Variants in PTPRG observed in about 807,000 individuals in gnomAD.
PTPRG encodes receptor-type tyrosine-protein phosphatase gamma.
A neutral mutation model predicts 165.3 loss-of-function variants in PTPRG; 102 were observed. The ratio of observed to expected loss-of-function variants is 0.62; its 90% CI spans 0.53 to 0.73. The LOEUF (loss-of-function observed/expected upper bound fraction) is 0.73, where lower values mean the gene tolerates loss of function less well. Ranked by LOEUF, PTPRG falls within the 30% of genes least tolerant of loss-of-function variation. PTPRG has a pLI of 0.00. For missense variants in PTPRG, 1,866 were observed against 1,861.4 expected (o/e 1.00, Z -0.05); for synonymous variants, 675 against 669.5 (o/e 1.01, Z -0.13).
chr3:62,046,493 AT>A (rs1423722646), intron 4 of PTPRG, among the ~76,000 whole-genome samples: 5 of 152,090 alleles, frequency 3.3e-5, no homozygotes, highest in Admixed American at 3.3e-4. Flanking sequence ...TGATCATAGA[AT>A]TTTTTCCCAA....
chr3:62,104,836 G>A (rs1315727116), intron 5 of PTPRG, among the ~76,000 whole-genome samples: 1 of 152,158 alleles, frequency 6.6e-6, no homozygotes, highest in East Asian at 1.9e-4. Flanking sequence ...GAGCTTTGCA[G>A]ATTTTTTTAA....
chr3:61,588,817 C>A (rs1700500043), intron 1 of PTPRG, among the ~76,000 whole-genome samples: 1 of 152,182 alleles, frequency 6.6e-6, no homozygotes, highest in African/African-American at 2.4e-5. Flanking sequence ...CTCATATATG[C>A]ATCCGTGTAT....
intron 6 of PTPRG, among the ~76,000 whole-genome samples, chr3:62,136,729 C>T (rs1703722394): frequency 6.6e-6 from 1 of 152,098 alleles, no homozygotes; most frequent in Non-Finnish European, 1.5e-5. Flanking sequence ...GGGGAGTTTC[C>T]CTGCACAAGC....
At chr3:61,749,098 G>A (rs551398743) in intron 2 of PTPRG, 116 bp downstream of exon 2, 58 of 873,252 alleles carry the variant, frequency 6.6e-5, no homozygotes, top group South Asian at 5.5e-4. Context: ...CAAATCTTTC[G>A]TAGTTCACTA....
intron 4 of PTPRG, among the ~76,000 whole-genome samples, chr3:62,036,983 GCACACACA>G (rs10587372): frequency 4.5e-4 from 68 of 150,560 alleles, no homozygotes; most frequent in Middle Eastern, 3.4e-3. Flanking sequence ...GCGCGCGCAC[GCACACACA>G]CACACACACA....
intron 14 of PTPRG, among the ~76,000 whole-genome samples, chr3:62,239,822 C>T (rs2106942917): frequency 6.6e-6 from 1 of 152,100 alleles, no homozygotes; most frequent in Non-Finnish European, 1.5e-5. Flanking sequence ...TTCCTGGATA[C>T]CTCTGAAGGT....
At chr3:61,928,252 G>C (rs1288687653) in intron 2 of PTPRG, among the ~76,000 whole-genome samples, 1 of 152,168 alleles carries the variant, frequency 6.6e-6, no homozygotes, top group Non-Finnish European at 1.5e-5. Flanking sequence ...ACATGCCCAA[G>C]AAACCTTGTA....
At chr3:61,849,411 A>C (rs2036896196) in intron 2 of PTPRG, among the ~76,000 whole-genome samples, 2 of 152,228 alleles carry the variant, frequency 1.3e-5, no homozygotes, top group African/African-American at 2.4e-5. Flanking sequence ...CGGTGAAAAG[A>C]TATGTGTAGG....
intron 2 of PTPRG, among the ~76,000 whole-genome samples, chr3:61,972,628 C>T (rs2040409316): frequency 6.6e-6 from 1 of 151,222 alleles, no homozygotes. Context: ...CTCCCCTCCC[C>T]TCTTCGTTCT....
intron 2 of PTPRG, among the ~76,000 whole-genome samples, chr3:61,868,246 G>A (rs1359802557): frequency 2.0e-5 from 3 of 152,096 alleles, no homozygotes; most frequent in East Asian, 3.9e-4. Flanking sequence ...CTTATATCAC[G>A]GAAGAAAAGC....
intron 2 of PTPRG, among the ~76,000 whole-genome samples, chr3:61,919,656 A>G (rs779407485): frequency 2.0e-5 from 3 of 152,162 alleles, no homozygotes; most frequent in Non-Finnish European, 2.9e-5. Flanking sequence ...TCATGGTTGC[A>G]TCTCGTCATG....
rs568824247 is a variant in PTPRG at position 62,243,915 on chromosome 3, T to C, written c.2467+17T>C. On this transcript the variant is annotated intron_variant, in intron 15 of 29. Coordinates refer to ENST00000474889, the MANE Select transcript of PTPRG (RefSeq NM_002841.4). ...CTATTCCGGGTAAGTAAGACACTGC[T>C]CTTATTTCCAATGGGCTAATTGTTT... is the stretch of plus-strand genomic sequence containing the variant. 5.6e-5 allele frequency: 77 copies of C among 1,380,722 alleles called. 1 individual carries two copies. The highest frequency in any genetic ancestry group is 3.6e-4 in the South Asian group (29 of 81,446). 85.5% of individuals were successfully genotyped at this position (1,380,722 alleles called of 1,614,324 possible). A position where few individuals can be genotyped will look rare whatever the true frequency, so the allele number is the denominator to read the frequency against.
chr3:62,062,731 G>C (rs1700861663), intron 4 of PTPRG, among the ~76,000 whole-genome samples: 1 of 151,976 alleles, frequency 6.6e-6, no homozygotes, highest in African/African-American at 2.4e-5. Context: ...GGCAATCATG[G>C]CTCACTGCAG....
chr3:61,655,394 T>C (rs1445787638), intron 1 of PTPRG, among the ~76,000 whole-genome samples: 1 of 152,212 alleles, frequency 6.6e-6, no homozygotes, highest in African/African-American at 2.4e-5. Context: ...GGGATTGTTA[T>C]CAGTTTCACT....
chr3:62,057,171 G>A (rs570523431), intron 4 of PTPRG, among the ~76,000 whole-genome samples: 3 of 152,234 alleles, frequency 2.0e-5, no homozygotes, highest in South Asian at 2.1e-4. Flanking sequence ...GTTTTAATGG[G>A]CCTTACCTGA....
At chr3:61,666,775 A>G (rs1434738420) in intron 1 of PTPRG, among the ~76,000 whole-genome samples, 2 of 152,218 alleles carry the variant, frequency 1.3e-5, no homozygotes, top group African/African-American at 4.8e-5. Context: ...CCTAGATGCC[A>G]GTAGCACACT....
rs374382586 is a variant in PTPRG at position 62,100,548 on chromosome 3, CAT to C, written c.615+22293_615+22294del. On this transcript the variant is annotated intron_variant, in intron 5 of 29. Transcript: ENST00000474889. ...CCTTCAGTTAGAGAGTGGATCTGGA[CAT>C]ATGCCAGATTTGCCTGGATGTTTTT... Among the ~76,000 whole-genome samples, 576 of 152,134 alleles carry C rather than the reference CAT, an allele frequency of 3.8e-3. 4 individuals carry two copies. The highest frequency in any genetic ancestry group is 0.028 in the South Asian group (134 of 4,800).
At position 62,214,950 on chromosome 3, in the gene PTPRG, TGAAGGA is replaced by T. The variant is rs1177848331; in HGVS notation, c.2156-3900_2156-3895del. On this transcript the variant is annotated intron_variant, in intron 12 of 29. Coordinates refer to ENST00000474889, the MANE Select transcript of PTPRG (RefSeq NM_002841.4). The surrounding 1 kb of genome is among the most constrained non-coding windows in gnomAD (Gnocchi z 5.2). Reference sequence around the variant, plus strand: ...GAGAAGGCAGCATTTGAACCAGGACTGAAGGATCAATAAGATGAATTCTGGCATCAG... The same window carrying T: ...GAGAAGGCAGCATTTGAACCAGGACTTCAATAAGATGAATTCTGGCATCAG... 1.3e-5 allele frequency among the ~76,000 whole-genome samples: 2 copies of T among 152,164 alleles called. No individual in the cohort carries two copies. Among genetic ancestry groups the T allele is most frequent in the African/African-American group, 4.8e-5 (2 of 41,436 alleles).
At chr3:61,650,581 A>G (rs1702323200) in intron 1 of PTPRG, among the ~76,000 whole-genome samples, 1 of 152,184 alleles carries the variant, frequency 6.6e-6, no homozygotes, top group African/African-American at 2.4e-5. Context: ...ACTGAGTAAG[A>G]AAGAAGTTTT....
Sources: allele counts gnomAD v4.1 joint callset (sites outside exome capture counted in the v4.1 genomes callset), GRCh38; gene constraint gnomAD v4.1.1; non-coding constraint Gnocchi (gnomAD v3.1); transcripts MANE v1.5; gene names NCBI Gene and HGNC (gene_info 2026-07-23, HGNC 2026-07-21).